SLC2A13: variants seen among roughly 807,000 people sequenced by gnomAD.
SLC2A13 encodes the protein proton myo-inositol cotransporter.
Under a neutral mutation model 64.4 loss-of-function variants are expected in SLC2A13, and 32 were observed. That is an observed-to-expected ratio of 0.50 (90% CI 0.37 to 0.67). The LOEUF is 0.67. SLC2A13 is among the 30% of genes least tolerant of loss of function. The pLI is 0.00. For missense variants in SLC2A13, 743 were observed against 829.2 expected (o/e 0.90, Z 1.28); for synonymous variants, 338 against 327.1 (o/e 1.03, Z -0.36).
intron 3 of SLC2A13, among the ~76,000 whole-genome samples, chr12:39,972,007 T>TAC (rs199891917): frequency 0.45 from 34,925 of 77,512 alleles, 5,224 homozygotes; most frequent in South Asian, 0.54. Flanking sequence ...AATATATATA[T>TAC]ATATATATTT....
At chr12:40,028,097 G>C (rs1237968406) in intron 3 of SLC2A13, among the ~76,000 whole-genome samples, 2 of 151,788 alleles carry the variant, frequency 1.3e-5, no homozygotes, top group African/African-American at 2.4e-5. Context: ...TTTGAAAACA[G>C]TTCAATAGCT....
intron 7 of SLC2A13, among the ~76,000 whole-genome samples, chr12:39,777,014 T>C (rs1940801327): frequency 6.6e-6 from 1 of 152,114 alleles, no homozygotes; most frequent in Non-Finnish European, 1.5e-5. Context: ...CTATGGGAGG[T>C]AATATATTAA....
chr12:39,884,303 C>T (rs971667139), intron 4 of SLC2A13, among the ~76,000 whole-genome samples: 2 of 152,086 alleles, frequency 1.3e-5, no homozygotes, highest in Non-Finnish European at 2.9e-5. Flanking sequence ...GTTAAACAGA[C>T]GTGAAATTAT....
intron 7 of SLC2A13, chr12:39,829,389 A>ATTTTTTTT (rs1452679878): frequency 1.2e-4 from 8 of 65,776 alleles, no homozygotes; most frequent in East Asian, 5.3e-4. Context: ...TGTGATAGTA[A>ATTTTTTTT]TTCTTTTTTT....
chr12:39,857,938 G>A (rs1261102236), intron 6 of SLC2A13, among the ~76,000 whole-genome samples: 2 of 152,088 alleles, frequency 1.3e-5, no homozygotes, highest in Non-Finnish European at 2.9e-5. Context: ...GGCTTCCCAA[G>A]AAGCATTTTT....
chr12:39,867,208 T>C (rs1040573142), intron 5 of SLC2A13, among the ~76,000 whole-genome samples: 3 of 152,224 alleles, frequency 2.0e-5, no homozygotes, highest in Admixed American at 6.5e-5. Flanking sequence ...CTTATTGCCA[T>C]GCAACAGGTA....
intron 4 of SLC2A13, among the ~76,000 whole-genome samples, chr12:39,882,441 T>C (rs1326635689): frequency 1.3e-5 from 2 of 152,216 alleles, no homozygotes; most frequent in Non-Finnish European, 2.9e-5. Context: ...AAATTCCAAC[T>C]CTACCTATAT....
intron 4 of SLC2A13, among the ~76,000 whole-genome samples, chr12:39,889,384 T>C (rs1230973166): frequency 1.3e-5 from 2 of 152,076 alleles, no homozygotes; most frequent in African/African-American, 2.4e-5. Context: ...TTAAGATATA[T>C]TAGTATAAAT....
intron 2 of SLC2A13, among the ~76,000 whole-genome samples, chr12:40,046,736 T>C (rs1049691048): frequency 2.0e-5 from 3 of 151,766 alleles, no homozygotes; most frequent in Non-Finnish European, 4.4e-5. Flanking sequence ...TAATGGTCCT[T>C]ACAAATGTAG....
At chr12:39,825,708 C>T (rs776295469) in intron 7 of SLC2A13, among the ~76,000 whole-genome samples, 12 of 152,060 alleles carry the variant, frequency 7.9e-5, no homozygotes, top group Non-Finnish European at 1.0e-4. Flanking sequence ...CCTTCTCTCT[C>T]TTCTTGATTA....
At chr12:39,821,910 G>C (rs1211271259) in intron 7 of SLC2A13, among the ~76,000 whole-genome samples, 1 of 152,074 alleles carries the variant, frequency 6.6e-6, no homozygotes, top group East Asian at 1.9e-4. Flanking sequence ...GGAATGAAAA[G>C]AATATTATTA....
intron 7 of SLC2A13, among the ~76,000 whole-genome samples, chr12:39,814,452 C>A (rs1351584985): frequency 6.6e-6 from 1 of 152,130 alleles, no homozygotes; most frequent in Non-Finnish European, 1.5e-5. Flanking sequence ...TCAAGTAACA[C>A]ACTGGCTCAC....
At chr12:40,085,943 C>T (rs1176667943) in intron 1 of SLC2A13, among the ~76,000 whole-genome samples, 3 of 152,230 alleles carry the variant, frequency 2.0e-5, no homozygotes, top group East Asian at 3.9e-4. Context: ...GGCACAATCC[C>T]AGCTCACTGC....
chr12:39,958,517 C>A (rs561988185), intron 3 of SLC2A13, among the ~76,000 whole-genome samples: 18 of 152,236 alleles, frequency 1.2e-4, no homozygotes, highest in African/African-American at 4.3e-4. Context: ...TCTCAACATC[C>A]CCAGTCTCTA....
At chr12:39,941,279 TA>T (rs1328003043) in intron 4 of SLC2A13, among the ~76,000 whole-genome samples, 1 of 152,202 alleles carries the variant, frequency 6.6e-6, no homozygotes, top group Non-Finnish European at 1.5e-5. Context: ...TTCCTCTGGG[TA>T]GATACCTAGT....
At position 39,984,387 on chromosome 12, in the gene SLC2A13, T is replaced by A. The variant is rs1292927777; in HGVS notation, c.926-33022A>T. ...GAGCAACGGTAAGTGCAATCTTCTA[T>A]AAACAAAGAATTTAATAAAAGAGAC... On this transcript the variant is annotated intron_variant, in intron 3 of 9. Coordinates refer to ENST00000280871, the MANE Select transcript of SLC2A13 (RefSeq NM_052885.4). Among the ~76,000 whole-genome samples, 3 of 152,100 alleles carry A rather than the reference T, an allele frequency of 2.0e-5. No homozygotes were observed. The East Asian group carries it at 5.8e-4, about 29-fold the overall frequency.
intron 1 of SLC2A13, among the ~76,000 whole-genome samples, chr12:40,077,605 T>C (rs1938230143): frequency 6.6e-6 from 1 of 152,210 alleles, no homozygotes; most frequent in African/African-American, 2.4e-5. Flanking sequence ...GCTTTTGTTC[T>C]TTTAGCTTAG....
chr12:39,972,008 ATATATATTTTTTTT>A (rs1439671090), intron 3 of SLC2A13, among the ~76,000 whole-genome samples: 2 of 30,210 alleles, frequency 6.6e-5, no homozygotes, highest in African/African-American at 1.7e-4. Context: ...ATATATATAT[ATATATATTTTTTTT>A]TATATAAATA....
intron 3 of SLC2A13, among the ~76,000 whole-genome samples, chr12:40,026,226 C>T (rs1385729981): frequency 6.6e-6 from 1 of 152,132 alleles, no homozygotes; most frequent in Non-Finnish European, 1.5e-5. Flanking sequence ...GGTTAATAAT[C>T]CTATTAGTTC....
Sources: gnomAD v4.1 joint callset for allele counts (sites outside exome capture counted in the v4.1 genomes callset) on GRCh38, gnomAD v4.1.1 for gene constraint, MANE v1.5 for transcripts, NCBI Gene and HGNC (gene_info 2026-07-23, HGNC 2026-07-21) for gene names.